The following USP34 variants were observed in gnomAD, a reference collection of about 807,000 sequenced individuals.
USP34 encodes ubiquitin carboxyl-terminal hydrolase 34.
A neutral mutation model predicts 460.3 loss-of-function variants in USP34; 70 were observed. The ratio of observed to expected loss-of-function variants is 0.15; its 90% CI spans 0.13 to 0.19. The LOEUF (loss-of-function observed/expected upper bound fraction) is 0.19, where lower values mean the gene tolerates loss of function less well. USP34 is among the 10% of genes least tolerant of loss of function. USP34 has a pLI of 1.00. For synonymous variants in USP34, 1,647 were observed against 1,405.3 expected (o/e 1.17, Z -3.85); for missense variants, 3,985 against 4,236.2 (o/e 0.94, Z 1.65).
At chr2:61,199,722 C>T (rs1422961370) in intron 75 of USP34, among the ~76,000 whole-genome samples, 1 of 152,162 alleles carries the variant, frequency 6.6e-6, no homozygotes, top group African/African-American at 2.4e-5. Flanking sequence ...CCTCATGTAT[C>T]TTTATGTTTG....
chr2:61,380,444 T>C (rs1477947058), intron 6 of USP34, 83 bp from the exon 7 acceptor site: 2 of 1,390,750 alleles, frequency 1.4e-6, no homozygotes, highest in Non-Finnish European at 1.9e-6. Flanking sequence ...ATGTACATTG[T>C]AAGCATTAAC....
chr2:61,358,718 T>C (rs1692181837), intron 10 of USP34, among the ~76,000 whole-genome samples: 1 of 151,904 alleles, frequency 6.6e-6, no homozygotes, highest in African/African-American at 2.4e-5. Flanking sequence ...ATATAGAAAA[T>C]CCTAAAGAAT....
intron 10 of USP34, among the ~76,000 whole-genome samples, chr2:61,358,175 C>T (rs945320699): frequency 1.3e-5 from 2 of 149,452 alleles, no homozygotes; most frequent in Non-Finnish European, 3.0e-5. Flanking sequence ...CTGGGCAAGA[C>T]AGAGCGAGAT....
At chr2:61,361,191 G>A (rs1345349507) in intron 10 of USP34, among the ~76,000 whole-genome samples, 2 of 152,170 alleles carry the variant, frequency 1.3e-5, no homozygotes, top group Non-Finnish European at 2.9e-5. Context: ...AAGGAGGACT[G>A]CTTGAGGCCA....
At chr2:61,292,862 C>T (rs915895494) in intron 33 of USP34, among the ~76,000 whole-genome samples, 5 of 151,814 alleles carry the variant, frequency 3.3e-5, no homozygotes, top group East Asian at 1.9e-4. Flanking sequence ...CTTCAAATCA[C>T]GGTGGTAAAG....
Position 61,311,699 on chromosome 2 carries a change from G to A in USP34, c.3670-12C>T. The A allele has an allele frequency of 6.2e-7, 1 of 1,608,436 alleles. No homozygotes were observed. Among genetic ancestry groups the A allele is most frequent in the Non-Finnish European group, 8.5e-7 (1 of 1,177,774 alleles). The stretch of plus-strand genomic sequence containing the variant: ...ATTTCAATAGTCATCTGAAATATGA[G>A]ATGCAACCAATTTAAAAATACAAAA... On this transcript the variant is annotated splice_polypyrimidine_tract_variant and intron_variant, in intron 26 of 79. Transcript: ENST00000398571.
Position 61,208,882 on chromosome 2 carries a change from T to C in USP34, c.8919+17A>G, listed in dbSNP as rs758254356. The C allele has an allele frequency of 5.8e-6, 9 of 1,541,980 alleles. No individual in the cohort carries two copies. The highest frequency in any genetic ancestry group is 7.9e-6 in the Non-Finnish European group (9 of 1,132,710). ...AAATGAGATAATATCCACAGTAAAA[T>C]GCAATAGAATATTTACCTCTGTCAT... On this transcript the variant is annotated intron_variant, in intron 70 of 79. Coordinates refer to ENST00000398571, the MANE Select transcript of USP34 (RefSeq NM_014709.4).
chr2:61,274,211 G>T (rs28718728), intron 41 of USP34, among the ~76,000 whole-genome samples: 1 of 151,830 alleles, frequency 6.6e-6, no homozygotes, highest in Non-Finnish European at 1.5e-5. Flanking sequence ...CCAAAATGGC[G>T]AAATCCGGTC....
intron 2 of USP34, among the ~76,000 whole-genome samples, chr2:61,411,613 G>A (rs1573014671): frequency 6.6e-6 from 1 of 152,086 alleles, no homozygotes; most frequent in Non-Finnish European, 1.5e-5. Context: ...AAACTATGCT[G>A]ATAGCTGTCA....
intron 2 of USP34, chr2:61,416,950 T>C: frequency 2.4e-6 from 3 of 1,250,460 alleles, no homozygotes; most frequent in Non-Finnish European, 3.4e-6. Context: ...CCCACAGCCA[T>C]CTGGGATGAG....
intron 6 of USP34, among the ~76,000 whole-genome samples, chr2:61,381,434 G>A (rs968329978): frequency 1.3e-5 from 2 of 152,032 alleles, no homozygotes; most frequent in Non-Finnish European, 1.5e-5. Flanking sequence ...GACCTCCTGG[G>A]CTCAAGTGAT....
chr2:61,294,679 C>A (rs910848020), intron 32 of USP34, among the ~76,000 whole-genome samples: 29 of 152,170 alleles, frequency 1.9e-4, no homozygotes, highest in Non-Finnish European at 5.9e-5. Flanking sequence ...TCTCAGCCTC[C>A]CAAAGGGCTG....
At chr2:61,303,977 C>T (rs1279864743) in intron 27 of USP34, among the ~76,000 whole-genome samples, 1 of 152,028 alleles carries the variant, frequency 6.6e-6, no homozygotes, top group African/African-American at 2.4e-5. Context: ...GGCTCACTAA[C>T]ACCTCCACCT....
chr2:61,349,658 G>C (rs1558543271), intron 12 of USP34, among the ~76,000 whole-genome samples: 2 of 152,070 alleles, frequency 1.3e-5, no homozygotes, highest in Admixed American at 6.6e-5. Context: ...GGCTAACACG[G>C]TGAAACCCCG....
intron 10 of USP34, among the ~76,000 whole-genome samples, chr2:61,367,584 T>A (rs577138145): frequency 1.3e-5 from 2 of 152,140 alleles, no homozygotes; most frequent in Non-Finnish European, 2.9e-5. Context: ...ACACAATCAT[T>A]AGTAATGAAA....
intron 62 of USP34, among the ~76,000 whole-genome samples, chr2:61,224,953 A>T (rs13383805): frequency 0.012 from 1,798 of 152,242 alleles, 37 homozygotes; most frequent in African/African-American, 0.041. Flanking sequence ...TTTCCCAAGA[A>T]CTGTAACTAG....
intron 21 of USP34, among the ~76,000 whole-genome samples, chr2:61,320,505 T>C (rs937731226): frequency 6.6e-6 from 1 of 151,220 alleles, no homozygotes; most frequent in Admixed American, 6.6e-5. Context: ...TCAGTTTTTT[T>C]CCTCATTAAT....
At chr2:61,336,502 C>T (rs559538249) in intron 18 of USP34, among the ~76,000 whole-genome samples, 1 of 149,950 alleles carries the variant, frequency 6.7e-6, no homozygotes, top group Admixed American at 6.6e-5. Flanking sequence ...AACAAATAGG[C>T]ACAAAGAGAA....
chr2:61,303,601 CT>C (rs891997196), intron 27 of USP34, among the ~76,000 whole-genome samples: 155 of 145,652 alleles, frequency 1.1e-3, no homozygotes, highest in Non-Finnish European at 9.4e-4. Context: ...CTGTATTAAA[CT>C]TTTTTTTTTT....
Sources: allele counts gnomAD v4.1 joint callset (sites outside exome capture counted in the v4.1 genomes callset), GRCh38; gene constraint gnomAD v4.1.1; transcripts MANE v1.5; gene names NCBI Gene and HGNC (gene_info 2026-07-23, HGNC 2026-07-21).